MEIKIN: variants seen among roughly 807,000 people sequenced by gnomAD.
MEIKIN encodes meiotic kinetochore factor, also known as meiosis-specific kinetochore protein.
In MEIKIN at chr5:131,871,196, C is replaced by T. The variant is rs571309852; in HGVS notation, c.774+7782G>A. 2.4e-4 allele frequency among the ~76,000 whole-genome samples: 36 copies of T among 152,298 alleles called. 1 individual carries two copies. In the East Asian group the frequency reaches 6.4e-3, roughly 27 times the overall value. ...GCACCGTGCGCAAGCCGAAGCAGGG[C>T]AAGGAATCACCTCACCCGGGAAGCA... is the stretch of plus-strand genomic sequence containing the variant. On this transcript the variant is annotated intron_variant, in intron 9 of 12. Coordinates refer to ENST00000442687, the MANE Select transcript of MEIKIN (RefSeq NM_001303622.2).
intron 11 of MEIKIN, among the ~76,000 whole-genome samples, chr5:131,842,567 C>A (rs1326406879): frequency 6.6e-6 from 1 of 151,174 alleles, no homozygotes; most frequent in African/African-American, 2.4e-5. Context: ...TACGTTTTTT[C>A]TTCTCTTGAT....
intron 11 of MEIKIN, among the ~76,000 whole-genome samples, chr5:131,825,726 C>A (rs1421806057): frequency 2.0e-5 from 3 of 152,224 alleles, no homozygotes; most frequent in African/African-American, 7.2e-5. Flanking sequence ...TACAGACATT[C>A]CTAAGAAGCA....
chr5:131,845,925 T>A (rs1488969348), intron 11 of MEIKIN, among the ~76,000 whole-genome samples: 1 of 152,054 alleles, frequency 6.6e-6, no homozygotes, highest in African/African-American at 2.4e-5. Context: ...GACATAAACA[T>A]CTAAGAAGCT....
intron 5 of MEIKIN, among the ~76,000 whole-genome samples, chr5:131,924,061 T>A (rs1433797747): frequency 6.6e-6 from 1 of 152,122 alleles, no homozygotes; most frequent in African/African-American, 2.4e-5. Flanking sequence ...AGATAACTCA[T>A]ATAAGTGGAA....
chr5:131,921,779 T>C (rs1310814514), intron 6 of MEIKIN, 43 bp downstream of exon 6: 15 of 398,686 alleles, frequency 3.8e-5, no homozygotes, highest in Non-Finnish European at 1.3e-5. Flanking sequence ...TACTTTGCTT[T>C]TCCAACATAG....
At chr5:131,830,549 G>A (rs1279822281) in intron 11 of MEIKIN, among the ~76,000 whole-genome samples, 1 of 152,222 alleles carries the variant, frequency 6.6e-6, no homozygotes, top group Non-Finnish European at 1.5e-5. Flanking sequence ...TATCTGCTCA[G>A]CAAGATTCTC....
intron 9 of MEIKIN, among the ~76,000 whole-genome samples, chr5:131,864,815 C>T (rs774979681): frequency 6.6e-6 from 1 of 152,030 alleles, no homozygotes; most frequent in African/African-American, 2.4e-5. Flanking sequence ...GTTTTCAAAC[C>T]CTTTCATTTT....
rs926529311 is a variant in MEIKIN at position 131,835,468 on chromosome 5, CTT to C, written c.975+15794_975+15795del. 2.5e-4 allele frequency among the ~76,000 whole-genome samples: 38 copies of C among 152,188 alleles called. 1 individual carries two copies. Among genetic ancestry groups the C allele is most frequent in the Admixed American group, 2.4e-3 (37 of 15,286 alleles). On this transcript the variant is annotated intron_variant, in intron 11 of 12. Transcript: ENST00000442687. ...CAGTATCAAGAGGCTTTTTCCCTAT[CTT>C]TTGTTTCAGGAGTTTTATTATGATT...
chr5:131,902,515 A>T (rs939571689), intron 8 of MEIKIN, among the ~76,000 whole-genome samples: 1 of 149,170 alleles, frequency 6.7e-6, no homozygotes, highest in South Asian at 2.1e-4. Flanking sequence ...CTTCCTGTAC[A>T]TCATGCTTCC....
intron 11 of MEIKIN, among the ~76,000 whole-genome samples, chr5:131,821,456 A>G (rs1235817866): frequency 6.6e-6 from 1 of 152,110 alleles, no homozygotes; most frequent in Non-Finnish European, 1.5e-5. Flanking sequence ...TTGAGGAGAA[A>G]AATGTGTATT....
At chr5:131,896,516 A>G (rs1751054810) in intron 8 of MEIKIN, among the ~76,000 whole-genome samples, 1 of 152,160 alleles carries the variant, frequency 6.6e-6, no homozygotes, top group South Asian at 2.1e-4. Context: ...GTGGGAGTCT[A>G]AGTCTCTTTG....
At chr5:131,862,095 T>C (rs1750295408) in intron 9 of MEIKIN, among the ~76,000 whole-genome samples, 2 of 152,194 alleles carry the variant, frequency 1.3e-5, no homozygotes, top group African/African-American at 4.8e-5. Context: ...TTTTCTTTAT[T>C]GGGAGACTTT....
In MEIKIN at chr5:131,829,797, C is replaced by T. The variant is rs73788776; in HGVS notation, c.976-10934G>A. 1.3e-3 allele frequency among the ~76,000 whole-genome samples: 200 copies of T among 152,202 alleles called. 1 individual carries two copies. Among genetic ancestry groups the T allele is most frequent in the African/African-American group, 4.6e-3 (190 of 41,544 alleles). On this transcript the variant is annotated intron_variant, in intron 11 of 12. Coordinates refer to ENST00000442687, the MANE Select transcript of MEIKIN (RefSeq NM_001303622.2). ...ATGGGAAGTAGATATTGGAGTTATG[C>T]TGCCACAAGACAAGAAATGCCTGAG...
intron 10 of MEIKIN, among the ~76,000 whole-genome samples, chr5:131,854,437 G>A (rs1750162623): frequency 6.6e-6 from 1 of 152,018 alleles, no homozygotes; most frequent in African/African-American, 2.4e-5. Flanking sequence ...ATAATGATGT[G>A]AATGAATATA....
chr5:131,899,812 T>C (rs1179793260), intron 8 of MEIKIN, among the ~76,000 whole-genome samples: 1 of 152,188 alleles, frequency 6.6e-6, no homozygotes, highest in African/African-American at 2.4e-5. Context: ...GTCATCCAGA[T>C]ATATAAAGCA....
intron 5 of MEIKIN, among the ~76,000 whole-genome samples, chr5:131,929,778 T>G (rs1231042114): frequency 6.6e-6 from 1 of 152,202 alleles, no homozygotes; most frequent in Non-Finnish European, 1.5e-5. Context: ...TGAGAACATA[T>G]GGTATTTGGT....
At chr5:131,830,419 GAAAAC>G (rs1749695727) in intron 11 of MEIKIN, among the ~76,000 whole-genome samples, 2 of 151,878 alleles carry the variant, frequency 1.3e-5, no homozygotes, top group Admixed American at 1.3e-4. Flanking sequence ...TTATGAAACA[GAAAAC>G]AAAACAAACA....
chr5:131,926,418 T>C (rs1751587949), intron 5 of MEIKIN, among the ~76,000 whole-genome samples: 2 of 152,322 alleles, frequency 1.3e-5, no homozygotes, highest in Middle Eastern at 3.4e-3. Flanking sequence ...CCTTTTAATA[T>C]AGAGATGAAT....
At chr5:131,901,213 T>C (rs1751150550) in intron 8 of MEIKIN, among the ~76,000 whole-genome samples, 1 of 152,108 alleles carries the variant, frequency 6.6e-6, no homozygotes, top group African/African-American at 2.4e-5. Flanking sequence ...ACCAATGCTC[T>C]GTCCCTGTGC....
Sources: allele counts gnomAD v4.1 joint callset (sites outside exome capture counted in the v4.1 genomes callset), GRCh38; gene constraint gnomAD v4.1.1; transcripts MANE v1.5; gene names NCBI Gene and HGNC (gene_info 2026-07-23, HGNC 2026-07-21).